TRA2B: variants seen among roughly 807,000 people sequenced by gnomAD.
The protein encoded by TRA2B is transformer-2 protein homolog beta.
In TRA2B, 14 loss-of-function variants were observed where a neutral mutation model predicts 41.7. The observed-to-expected ratio is 0.34, with a 90% confidence interval of 0.22 to 0.53. The LOEUF (loss-of-function observed/expected upper bound fraction) is 0.53, where lower values mean the gene tolerates loss of function less well. Ranked by LOEUF, TRA2B falls within the 20% of genes least tolerant of loss-of-function variation. The pLI is 0.95. For missense variants in TRA2B, 167 were observed against 396.8 expected (o/e 0.42, Z 4.92); for synonymous variants, 130 against 128.8 (o/e 1.01, Z -0.06).
intron 2 of TRA2B, 71 bp downstream of exon 2, chr3:185,926,530 C>T: frequency 6.3e-7 from 1 of 1,588,560 alleles, no homozygotes. Context: ...TCTCTACCTT[C>T]CTGGTTTACA....
chr3:185,922,172 C>T, intron 4 of TRA2B, 46 bp from the exon 5 acceptor site: 1 of 1,417,630 alleles, frequency 7.1e-7, no homozygotes, highest in Non-Finnish European at 9.9e-7. Context: ...AACAAAGCCA[C>T]TAATTATCCT....
chr3:185,926,840 A>G (rs1007786230), intron 1 of TRA2B, 106 bp from the exon 2 acceptor site: 20 of 1,363,638 alleles, frequency 1.5e-5, no homozygotes, highest in African/African-American at 1.4e-4. Flanking sequence ...CCCTTCCAAG[A>G]TAAGAAAATA....
rs888768818 is a variant in TRA2B, at chr3:185,937,571, A to G, written c.36+254T>C. 1.1e-5 allele frequency: 7 copies of G among 659,380 alleles called. No homozygotes were observed. In the Admixed American group the frequency reaches 1.9e-4, roughly 18 times the overall value. 40.8% of individuals were successfully genotyped at this position (659,380 alleles called of 1,614,324 possible). A position where few individuals can be genotyped will look rare whatever the true frequency, so the allele number is the denominator to read the frequency against. On this transcript the variant is annotated intron_variant, in intron 1 of 8. Coordinates refer to ENST00000453386, the MANE Select transcript of TRA2B (RefSeq NM_004593.3). ...CGGCCATTTTCATCTTCCCCCTCTT[A>G]TAACGGGAAAAACGGCCGTCTCGGG...
In TRA2B at chr3:185,936,879, C is replaced by T. The variant is rs527549786; in HGVS notation, c.36+946G>A. On this transcript the variant is annotated intron_variant, in intron 1 of 8. Transcript: ENST00000453386. ...GTTTAAACCCTAGAACTGTCTTGTT[C>T]CCGCAATTCAATCAACCCTCACTGA... 5 of 985,300 alleles carry T rather than the reference C, an allele frequency of 5.1e-6. No homozygotes were observed. The East Asian group carries it at 4.5e-4, about 90-fold the overall frequency. 61.0% of individuals were successfully genotyped at this position (985,300 alleles called of 1,614,324 possible).
chr3:185,931,193 C>T (rs1044470502), intron 1 of TRA2B, among the ~76,000 whole-genome samples: 7 of 152,190 alleles, frequency 4.6e-5, no homozygotes, highest in Non-Finnish European at 8.8e-5. Context: ...TTCTACTATA[C>T]ATTGCTCAGT....
chr3:185,930,237 G>T (rs41324547), intron 1 of TRA2B, among the ~76,000 whole-genome samples: 4,781 of 152,124 alleles, frequency 0.031, 226 homozygotes, highest in African/African-American at 0.11. Flanking sequence ...CTTGATAAAA[G>T]AATCCATGGG....
intron 1 of TRA2B, among the ~76,000 whole-genome samples, chr3:185,929,774 C>T (rs747942890): frequency 1.1e-4 from 16 of 152,140 alleles, no homozygotes; most frequent in Admixed American, 1.3e-4. Flanking sequence ...ATAAACACTG[C>T]ATCTCTTAAA....
chr3:185,935,007 G>A (rs148005357), intron 1 of TRA2B: 48 of 985,364 alleles, frequency 4.9e-5, no homozygotes, highest in Non-Finnish European at 5.8e-5. Context: ...TTACAATATT[G>A]AGAGGCTCAG....
intron 3 of TRA2B, 42 bp downstream of exon 3, chr3:185,925,419 TAAA>T: frequency 2.5e-6 from 4 of 1,593,716 alleles, no homozygotes; most frequent in Non-Finnish European, 3.4e-6. Flanking sequence ...TAAGAAAAAG[TAAA>T]TTTAGGCAGT....
intron 1 of TRA2B, chr3:185,937,492 G>C (rs1205240958): frequency 2.8e-6 from 3 of 1,075,340 alleles, no homozygotes; most frequent in Admixed American, 1.0e-4. Flanking sequence ...CTTCGCAGGA[G>C]AGCAACGCCG....
intron 2 of TRA2B, 24 bp from the exon 3 acceptor site, chr3:185,925,650 G>T (rs1366960200): frequency 6.3e-7 from 1 of 1,593,062 alleles, no homozygotes; most frequent in Admixed American, 1.8e-5. Context: ...ACCTCCTAAG[G>T]TTATGACTGA....
chr3:185,931,830 C>T, intron 1 of TRA2B: 1 of 1,508,312 alleles, frequency 6.6e-7, no homozygotes, highest in Non-Finnish European at 8.8e-7. Flanking sequence ...ACGACTTCCG[C>T]ATTTTCCTTC....
chr3:185,937,763 G>A, intron 1 of TRA2B, 62 bp downstream of exon 1: 1 of 1,610,522 alleles, frequency 6.2e-7, no homozygotes, highest in South Asian at 1.1e-5. Context: ...AGGCCGACGG[G>A]CCTAGAAAAA....
In TRA2B at chr3:185,917,655, A is replaced by T; in HGVS notation, c.*60T>A. The T allele has an allele frequency of 6.3e-7, 1 of 1,592,686 alleles. No homozygotes were observed. The highest frequency in any genetic ancestry group is 8.6e-7 in the Non-Finnish European group (1 of 1,164,182). ...TCACTTTTTAAACAAGAGACAATAA[A>T]AAATATTGCCCACAAACAATATCCC... is the stretch of plus-strand genomic sequence containing the variant. On this transcript the variant is annotated 3_prime_UTR_variant, in exon 9 of 9. Coordinates refer to ENST00000453386, the MANE Select transcript of TRA2B (RefSeq NM_004593.3).
At chr3:185,925,960 A>G (rs1264136255) in intron 2 of TRA2B, among the ~76,000 whole-genome samples, 2 of 152,136 alleles carry the variant, frequency 1.3e-5, no homozygotes, top group African/African-American at 4.8e-5. Context: ...TCTGTCTCCC[A>G]TTATGCCCAC....
chr3:185,923,694 G>T, intron 4 of TRA2B, 102 bp downstream of exon 4: 1 of 1,123,064 alleles, frequency 8.9e-7, no homozygotes, highest in Non-Finnish European at 1.2e-6. Context: ...AAAGTTCGAA[G>T]TATTACTGAC....
chr3:185,927,353 C>T (rs1365450904), intron 1 of TRA2B: 1 of 151,980 alleles, frequency 6.6e-6, no homozygotes, highest in Non-Finnish European at 1.5e-5. Flanking sequence ...GGTGGGAGGC[C>T]CCCTAAAAAA....
rs1743483058 is a variant in TRA2B at position 185,915,887 on chromosome 3, A to AT, written c.*1827dup. 2 of 152,182 alleles carry AT rather than the reference A, an allele frequency of 1.3e-5. No homozygotes were observed. The highest frequency in any genetic ancestry group is 4.8e-5 in the African/African-American group (2 of 41,444). 9.4% of individuals were successfully genotyped at this position (152,182 alleles called of 1,614,324 possible). ...AGTTACTTCAGGAAAGGATGCCTGT[A>AT]TATACTACCACGATAAAACCAGGTT... is the stretch of plus-strand genomic sequence containing the variant. On this transcript the variant is annotated 3_prime_UTR_variant, in exon 9 of 9. Transcript: ENST00000453386.
chr3:185,919,388 T>C, intron 7 of TRA2B, 49 bp downstream of exon 7: 1 of 1,483,630 alleles, frequency 6.7e-7, no homozygotes, highest in Non-Finnish European at 9.2e-7. Flanking sequence ...AACATCTTTA[T>C]GTGAAGCTTT....
Sources: gnomAD v4.1 joint callset for allele counts (sites outside exome capture counted in the v4.1 genomes callset) on GRCh38, gnomAD v4.1.1 for gene constraint, MANE v1.5 for transcripts, NCBI Gene and HGNC (gene_info 2026-07-23, HGNC 2026-07-21) for gene names.